PAPOLA: variants seen among roughly 807,000 people sequenced by gnomAD.
PAPOLA encodes the protein poly(A) polymerase alpha, also known as polynucleotide adenylyltransferase alpha.
PAPOLA carries 15 observed loss-of-function variants against 100.6 expected under a neutral mutation model. The ratio of observed to expected loss-of-function variants is 0.15; its 90% CI spans 0.10 to 0.23. The LOEUF is 0.23. PAPOLA is among the 10% of genes least tolerant of loss of function. PAPOLA has a pLI of 1.00. For synonymous variants in PAPOLA, 293 were observed against 300.0 expected (o/e 0.98, Z 0.24); for missense variants, 533 against 884.2 (o/e 0.60, Z 5.04).
intron 12 of PAPOLA, chr14:96,537,770 T>C (rs1899660299): frequency 2.0e-5 from 3 of 151,884 alleles, no homozygotes; most frequent in Admixed American, 2.0e-4. Context: ...TGTGCCAAAG[T>C]CCCACTTAAA....
In PAPOLA at chr14:96,531,071, C is replaced by T. The variant is rs192149662; in HGVS notation, c.496-404C>T. ...AGGCTGTAGTGCAGTGGTGCGGTCT[C>T]GGCTCACTGCAGTTCTGCCTCCTGG... is the stretch of plus-strand genomic sequence containing the variant. On this transcript the variant is annotated intron_variant, in intron 6 of 21. Coordinates refer to ENST00000216277, the MANE Select transcript of PAPOLA (RefSeq NM_032632.5). Among the ~76,000 whole-genome samples the T allele has an allele frequency of 2.0e-3, 311 of 152,172 alleles. 2 individuals are homozygous for T. The highest frequency in any genetic ancestry group is 7.0e-3 in the African/African-American group (290 of 41,506).
intron 11 of PAPOLA, among the ~76,000 whole-genome samples, chr14:96,536,620 C>G (rs1899555234): frequency 1.3e-5 from 2 of 151,898 alleles, no homozygotes; most frequent in Non-Finnish European, 2.9e-5. Context: ...GAAGATGCCT[C>G]TATCCCTTTA....
intron 9 of PAPOLA, 132 bp from the exon 10 acceptor site, chr14:96,534,359 G>A: frequency 6.8e-7 from 1 of 1,476,272 alleles, no homozygotes; most frequent in East Asian, 2.4e-5. Flanking sequence ...CGTCAGAAAG[G>A]ATTAAAACGT....
chr14:96,513,263 C>G (rs1472405697), intron 1 of PAPOLA, among the ~76,000 whole-genome samples: 1 of 151,942 alleles, frequency 6.6e-6, no homozygotes, highest in Non-Finnish European at 1.5e-5. Flanking sequence ...CAGATGGGGC[C>G]TTTCTATGTT....
intron 20 of PAPOLA, among the ~76,000 whole-genome samples, chr14:96,561,174 G>A (rs17094165): frequency 0.031 from 4,783 of 152,210 alleles, 243 homozygotes; most frequent in African/African-American, 0.11. Flanking sequence ...AGTTTTTGGC[G>A]TAAGGTTTTG....
intron 19 of PAPOLA, among the ~76,000 whole-genome samples, chr14:96,557,460 T>G (rs1566866818): frequency 6.6e-6 from 1 of 152,226 alleles, no homozygotes; most frequent in Non-Finnish European, 1.5e-5. Context: ...GAGGTAGTCT[T>G]GTTACACAAT....
intron 21 of PAPOLA, among the ~76,000 whole-genome samples, chr14:96,564,359 A>G (rs1902113760): frequency 6.6e-6 from 1 of 152,046 alleles, no homozygotes; most frequent in African/African-American, 2.4e-5. Context: ...GTATGTTTGG[A>G]ATTTTCCATA....
chr14:96,512,257 A>G (rs918064201), intron 1 of PAPOLA, among the ~76,000 whole-genome samples: 4 of 152,146 alleles, frequency 2.6e-5, no homozygotes, highest in African/African-American at 9.7e-5. Context: ...TAATATACAA[A>G]TAGTTAAAAA....
At chr14:96,554,825 A>G (rs1411408216) in intron 17 of PAPOLA, among the ~76,000 whole-genome samples, 2 of 152,200 alleles carry the variant, frequency 1.3e-5, no homozygotes, top group African/African-American at 4.8e-5. Flanking sequence ...AGTGAGATTT[A>G]GAACATAGAT....
At chr14:96,534,722 TATA>T in intron 10 of PAPOLA, 159 bp downstream of exon 10, 1 of 1,444,304 alleles carries the variant, frequency 6.9e-7, no homozygotes, top group South Asian at 1.5e-5. Context: ...TGTCCTCAAC[TATA>T]ATTGATGTGA....
At chr14:96,553,843 C>T (rs996488939) in intron 17 of PAPOLA, among the ~76,000 whole-genome samples, 6 of 152,086 alleles carry the variant, frequency 3.9e-5, no homozygotes, top group African/African-American at 7.2e-5. Flanking sequence ...GGCAGAAGTG[C>T]GGGTTGGGGA....
chr14:96,507,280 G>GTTTTTT (rs71103533), intron 1 of PAPOLA, among the ~76,000 whole-genome samples: 53 of 80,696 alleles, frequency 6.6e-4, no homozygotes, highest in Non-Finnish European at 7.0e-4. Context: ...TTGGAAAATA[G>GTTTTTT]TTTTTTTTTT....
intron 16 of PAPOLA, among the ~76,000 whole-genome samples, chr14:96,549,225 A>T (rs1345177789): frequency 6.6e-6 from 1 of 151,868 alleles, no homozygotes; most frequent in Non-Finnish European, 1.5e-5. Context: ...TCAGTTTTTA[A>T]GGTTTAAACA....
At position 96,559,579 on chromosome 14, in the gene PAPOLA, C is replaced by CTATATATA. The variant is rs1171924653; in HGVS notation, c.2005-1069_2005-1068insATATATAT. Among the ~76,000 whole-genome samples the CTATATATA allele has an allele frequency of 3.8e-3, 413 of 108,414 alleles. 2 individuals carry two copies. Among genetic ancestry groups the CTATATATA allele is most frequent in the African/African-American group, 0.011 (275 of 25,882 alleles). The allele number at this position is 108,414 out of a possible 152,430, so 71.1% of individuals were successfully genotyped here. ...TCTCTCTCTCTCTCTCTCTCTCTCT[C>CTATATATA]TCTATATATATATATATACACACAC... is the stretch of plus-strand genomic sequence containing the variant. On this transcript the variant is annotated intron_variant, in intron 19 of 21. Transcript: ENST00000216277.
chr14:96,551,269 G>A (rs1297063222), intron 16 of PAPOLA, among the ~76,000 whole-genome samples: 1 of 152,160 alleles, frequency 6.6e-6, no homozygotes, highest in Non-Finnish European at 1.5e-5. Context: ...GAGGCAGGTA[G>A]GCAGGTAACT....
At chr14:96,559,047 C>G (rs1401047466) in intron 19 of PAPOLA, among the ~76,000 whole-genome samples, 1 of 148,498 alleles carries the variant, frequency 6.7e-6, no homozygotes, top group Non-Finnish European at 1.5e-5. Flanking sequence ...TATGTTTTCT[C>G]AGTCTGGATT....
Position 96,542,144 on chromosome 14 carries a change from G to A in PAPOLA, c.1116-99G>A, listed in dbSNP as rs547807352. ...TTGTAGTCCCCCTTGCTAAATTGAT[G>A]TGGATCTATAACTGTAAGGAAGCTT... On this transcript the variant is annotated intron_variant, in intron 12 of 21. Coordinates refer to ENST00000216277, the MANE Select transcript of PAPOLA (RefSeq NM_032632.5). The A allele has an allele frequency of 3.1e-5, 20 of 640,972 alleles. No individual in the cohort carries two copies. The African/African-American group carries it at 3.7e-4, about 12-fold the overall frequency. The allele number at this position is 640,972 out of a possible 1,614,324, so 39.7% of individuals were successfully genotyped here.
intron 1 of PAPOLA, among the ~76,000 whole-genome samples, chr14:96,508,616 A>C (rs1310936693): frequency 6.6e-6 from 1 of 152,196 alleles, no homozygotes; most frequent in Non-Finnish European, 1.5e-5. Flanking sequence ...TAACTAAGTC[A>C]ACTTTAGGTT....
Position 96,565,750 on chromosome 14 carries a change from G to A in PAPOLA, c.*700G>A. 1 of 398,182 alleles carries A rather than the reference G, an allele frequency of 2.5e-6. No individual in the cohort carries two copies. Among genetic ancestry groups the A allele is most frequent in the Non-Finnish European group, 4.4e-6 (1 of 225,708 alleles). The allele number at this position is 398,182 out of a possible 1,614,324, so 24.7% of individuals were successfully genotyped here. ...ATTGTTTTATAGTGCATACAAATCAGCGATCAGCCAGCAAATATTTTTCTT... is the reference window on the plus strand; with the variant it reads ...ATTGTTTTATAGTGCATACAAATCAACGATCAGCCAGCAAATATTTTTCTT... On this transcript the variant is annotated 3_prime_UTR_variant, in exon 22 of 22. Transcript: ENST00000216277.
Sources: allele counts gnomAD v4.1 joint callset (sites outside exome capture counted in the v4.1 genomes callset), GRCh38; gene constraint gnomAD v4.1.1; transcripts MANE v1.5; gene names NCBI Gene and HGNC (gene_info 2026-07-23, HGNC 2026-07-21).